PTPRT: variants seen among roughly 807,000 people sequenced by gnomAD.
PTPRT encodes protein tyrosine phosphatase receptor type T.
PTPRT carries 56 observed loss-of-function variants against 176.8 expected under a neutral mutation model. That is an observed-to-expected ratio of 0.32 (90% confidence interval 0.26 to 0.40). PTPRT has a LOEUF of 0.40. PTPRT is among the 10% of genes least tolerant of loss of function. PTPRT has a pLI of 1.00. For missense variants in PTPRT, 1,540 were observed against 1,908.2 expected, an observed-to-expected ratio of 0.81 and a Z score of 3.60; for synonymous variants, 783 against 739.0, an observed-to-expected ratio of 1.06 and a Z score of -0.96.
At chr20:42,274,927 G>A (rs2057003769) in intron 13 of PTPRT, among the ~76,000 whole-genome samples, 1 of 152,114 alleles carries the variant, frequency 6.6e-6, no homozygotes, top group South Asian at 2.1e-4. Context: ...TAACAAATAG[G>A]TAGGAGACAG....
rs773718516 is a variant in PTPRT at position 42,780,249 on chromosome 20, C to G, written c.537G>C (p.Val179=). The G allele has an allele frequency of 2.5e-6, 4 of 1,613,866 alleles. No individual in the cohort carries two copies. The highest frequency in any genetic ancestry group is 3.4e-6 in the Non-Finnish European group (4 of 1,179,936). Residue 179 remains valine (V), a synonymous_variant, in exon 4 of 31, where the codon GTG becomes GTC. Transcript: ENST00000373187. ...SLKGHPGYIA[V]DEVRVLAHPC... ...GATGAGCAAGGACCCGGACCTCGTC[C>G]ACGGCGATGTAGCCAGGATGACCCT...
At chr20:42,039,349 C>A in the PTPRT span, among the ~76,000 whole-genome samples, 1 of 151,934 alleles carries the variant, frequency 6.6e-6, no homozygotes, top group African/African-American at 2.4e-5. Context: ...TGGCAAAAAA[C>A]CCATTCTGTT....
chr20:42,744,510 AG>A (rs1439207741), intron 6 of PTPRT, among the ~76,000 whole-genome samples: 2 of 152,248 alleles, frequency 1.3e-5, no homozygotes, highest in African/African-American at 4.8e-5. Flanking sequence ...CAGGTAGGCT[AG>A]AAAGTTTTCA....
At chr20:42,090,208 G>T (rs1984460590) in intron 27 of PTPRT, among the ~76,000 whole-genome samples, 1 of 151,384 alleles carries the variant, frequency 6.6e-6, no homozygotes, top group Non-Finnish European at 1.5e-5. Context: ...TATGGGGGAG[G>T]GTTCCTCAAA....
rs577723252 is a variant in PTPRT at position 42,435,039 on chromosome 20, A to G, written c.1560+13181T>C. On this transcript the variant is annotated intron_variant, in intron 9 of 30. Transcript: ENST00000373187. The stretch of plus-strand genomic sequence containing the variant: ...ATTTTAAAAAGAAAAGAAAACAAAA[A>G]GAAAAGAAAAAAAGCACCACCAAAT... 3.3e-5 allele frequency among the ~76,000 whole-genome samples: 5 copies of G among 152,224 alleles called. No homozygotes were observed. The East Asian group carries it at 9.6e-4, about 29-fold the overall frequency.
intron 1 of PTPRT, among the ~76,000 whole-genome samples, chr20:43,164,454 C>G (rs1047680489): frequency 6.6e-6 from 1 of 152,128 alleles, no homozygotes. Flanking sequence ...TATTAACACA[C>G]CCAAGCTTAT....
rs144709997 is a variant in PTPRT at position 42,334,605 on chromosome 20, A to C, written c.1865+16023T>G. Among the ~76,000 whole-genome samples the C allele has an allele frequency of 6.6e-3, 1,004 of 152,352 alleles. 13 individuals carry two copies. The highest frequency in any genetic ancestry group is 0.023 in the African/African-American group (944 of 41,586). On this transcript the variant is annotated intron_variant, in intron 11 of 30. Transcript: ENST00000373187. ...TGAACTGGTAGGATTCTACAATTCC[A>C]GTAGCATTTTTAATTGATTCATCAA...
intron 15 of PTPRT, among the ~76,000 whole-genome samples, chr20:42,202,517 G>A (rs1245889608): frequency 6.6e-6 from 1 of 151,994 alleles, no homozygotes; most frequent in Admixed American, 6.6e-5. Flanking sequence ...CAGGGGCGGG[G>A]GAATGCCAAC....
intron 6 of PTPRT, chr20:42,687,829 G>C (rs2075724251): frequency 6.6e-6 from 1 of 152,214 alleles, no homozygotes; most frequent in East Asian, 1.9e-4. Context: ...AGGATGGTGA[G>C]AGCTGTTATT....
intron 6 of PTPRT, among the ~76,000 whole-genome samples, chr20:42,701,783 G>C (rs902543890): frequency 1.3e-5 from 2 of 152,040 alleles, no homozygotes; most frequent in African/African-American, 4.8e-5. Flanking sequence ...GAGCTCTGCT[G>C]TCATCGTTTT....
chr20:43,007,211 T>C (rs968338337), intron 1 of PTPRT, among the ~76,000 whole-genome samples: 1 of 152,210 alleles, frequency 6.6e-6, no homozygotes, highest in African/African-American at 2.4e-5. Flanking sequence ...CTCCTAACTA[T>C]GCAGCTCTCT....
intron 1 of PTPRT, among the ~76,000 whole-genome samples, chr20:43,188,685 A>T (rs1435544846): frequency 7.1e-6 from 1 of 140,104 alleles, no homozygotes; most frequent in Non-Finnish European, 1.5e-5. Context: ...AAGAAACTTT[A>T]AGGTGATTTT....
chr20:42,538,444 C>T (rs1021947719), intron 7 of PTPRT, among the ~76,000 whole-genome samples: 3 of 152,058 alleles, frequency 2.0e-5, no homozygotes, highest in Admixed American at 6.6e-5. Context: ...ATTAATAGGT[C>T]CTAGAAAGAG....
chr20:42,415,837 T>A (rs1408596716), intron 9 of PTPRT, among the ~76,000 whole-genome samples: 1 of 152,100 alleles, frequency 6.6e-6, no homozygotes, highest in East Asian at 1.9e-4. Flanking sequence ...GGGTGAAACA[T>A]TATTGATCCA....
intron 6 of PTPRT, among the ~76,000 whole-genome samples, chr20:42,696,247 C>A (rs1453318877): frequency 6.6e-6 from 1 of 150,442 alleles, no homozygotes; most frequent in Non-Finnish European, 1.5e-5. Flanking sequence ...TCCTCTATTT[C>A]TCTCCTCCTG....
intron 1 of PTPRT, among the ~76,000 whole-genome samples, chr20:42,963,953 AG>A (rs1982149953): frequency 6.6e-6 from 1 of 152,150 alleles, no homozygotes; most frequent in Non-Finnish European, 1.5e-5. Context: ...GGCTACATCC[AG>A]TTATTGCTGC....
intron 1 of PTPRT, among the ~76,000 whole-genome samples, chr20:43,124,855 T>C (rs1000516899): frequency 1.3e-5 from 2 of 152,160 alleles, no homozygotes; most frequent in African/African-American, 4.8e-5. Flanking sequence ...TGAGCAAACG[T>C]GGAGTGTGAA....
intron 7 of PTPRT, among the ~76,000 whole-genome samples, chr20:42,546,470 ACAAAAAAAG>A (rs2072675651): frequency 7.3e-6 from 1 of 137,700 alleles, no homozygotes; most frequent in African/African-American, 3.0e-5. Flanking sequence ...CAAACAACAG[ACAAAAAAAG>A]AAAAAAAAAA....
intron 15 of PTPRT, among the ~76,000 whole-genome samples, chr20:42,208,347 C>A (rs1480699275): frequency 6.6e-6 from 1 of 151,418 alleles, no homozygotes; most frequent in Non-Finnish European, 1.5e-5. Context: ...CACAGACTGG[C>A]AAGTTGGATA....
Sources: gnomAD v4.1 joint callset for allele counts (sites outside exome capture counted in the v4.1 genomes callset) on GRCh38, gnomAD v4.1.1 for gene constraint, MANE v1.5 for transcripts, NCBI Gene and HGNC (gene_info 2026-07-23, HGNC 2026-07-21) for gene names.